COL7A1: variants seen among roughly 807,000 people sequenced by gnomAD.
COL7A1 encodes collagen alpha-1(VII) chain.
Under a neutral mutation model 456.2 loss-of-function variants are expected in COL7A1, and 296 were observed. The observed-to-expected ratio is 0.65, with a 90% CI of 0.59 to 0.71. COL7A1 has a LOEUF of 0.71. COL7A1 is among the 30% of genes least tolerant of loss of function. COL7A1 has a pLI of 0.00. For missense variants in COL7A1, 3,441 were observed against 4,017.2 expected, an observed-to-expected ratio of 0.86 and a Z score of 3.88; for synonymous variants, 1,464 against 1,525.9, an observed-to-expected ratio of 0.96 and a Z score of 0.95.
Position 48,566,260 on chromosome 3 carries a change from C to T in COL7A1, c.8407+7G>A, listed in dbSNP as rs534348346. 3 of 1,597,594 alleles carry T rather than the reference C, an allele frequency of 1.9e-6. No individual in the cohort carries two copies. The South Asian group carries it at 3.4e-5, about 18-fold the overall frequency. On this transcript the variant is annotated splice_region_variant and intron_variant, in intron 114 of 118. Transcript: ENST00000681320. This position sits in a 1 kb window ranked among gnomAD's most constrained non-coding sequence, Gnocchi z 5.9. ...GAGTGGGAGACTGCGGGCTGGGCAC[C>T]ACTCACCACAGTGCTGACTCATCTC... is the stretch of plus-strand genomic sequence containing the variant.
In COL7A1 at chr3:48,579,519, A is replaced by C; in HGVS notation, c.5236-4T>G. The C allele has an allele frequency of 6.2e-7, 1 of 1,613,946 alleles. No individual in the cohort carries two copies. Among genetic ancestry groups the C allele is most frequent in the Non-Finnish European group, 8.5e-7 (1 of 1,180,008 alleles). On this transcript the variant is annotated splice_polypyrimidine_tract_variant and splice_region_variant and intron_variant, in intron 59 of 118. Transcript: ENST00000681320. The surrounding 1 kb of genome is among the most constrained non-coding windows in gnomAD (Gnocchi z 4.4). ...GTCCCCGAAACCCTTCAATGCCCTG[A>C]GGATAGGGGAGGAAGAAATCAGAGC...
rs1560212042 is a variant in COL7A1 at position 48,573,936 on chromosome 3, G to GGCC, written c.6502-49_6502-47dup. 6.2e-7 allele frequency: 1 copy of GGCC among 1,609,634 alleles called. No homozygotes were observed. Among genetic ancestry groups the GGCC allele is most frequent in the Admixed American group, 1.7e-5 (1 of 59,596 alleles). ...TGAGCCTCAATCTGGGCCTCACTTG[G>GGCC]GCCTGTTCCCAACCTCTGGGGGCTT... is the stretch of plus-strand genomic sequence containing the variant. On this transcript the variant is annotated intron_variant, in intron 80 of 118. Coordinates refer to ENST00000681320, the MANE Select transcript of COL7A1 (RefSeq NM_000094.4). The surrounding 1 kb of genome is among the most constrained non-coding windows in gnomAD (Gnocchi z 5.5).
Position 48,565,441 on chromosome 3 carries a change from A to G in COL7A1, c.8496T>C (p.Pro2832=), listed in dbSNP as rs765795502. Residue 2832 remains proline, a synonymous_variant, in exon 116 of 119, where the codon CCT becomes CCC. Transcript: ENST00000681320. This position sits in a 1 kb window ranked among gnomAD's most constrained non-coding sequence, Gnocchi z 4.5. ...CCTCTGCATGAGAGACGCGGAGCAC[A>G]GGCACAGCATGGAGCTGGGAGCCGG... is the stretch of plus-strand genomic sequence containing the variant. ...DTAGSQLHAV[P]VLRVSHAEEE... 3 of 1,612,842 alleles carry G rather than the reference A, an allele frequency of 1.9e-6. No homozygotes were observed. In the South Asian group the frequency reaches 3.3e-5, roughly 18 times the overall value.
Position 48,591,540 on chromosome 3 carries a change from G to C in COL7A1, c.1560C>G (p.Pro520=). The change falls in exon 13 of 119, where the codon CCC becomes CCG. Residue 520 remains proline, a synonymous_variant. Transcript: ENST00000681320. The surrounding 1 kb of genome is among the most constrained non-coding windows in gnomAD (Gnocchi z 7.0). ...PVTDLQATEL[P]GQRVRVSWSP... is the part of the protein sequence containing the mutation. Reference sequence around the variant, plus strand: ...TCCAGGACACTCGCACCCGCTGCCCGGGCAGCTCGGTGGCTTGCAGGTCTG... The same window carrying C: ...TCCAGGACACTCGCACCCGCTGCCCCGGCAGCTCGGTGGCTTGCAGGTCTG... The C allele has an allele frequency of 6.2e-7, 1 of 1,613,900 alleles. No individual in the cohort carries two copies. Among genetic ancestry groups the C allele is most frequent in the Non-Finnish European group, 8.5e-7 (1 of 1,179,994 alleles).
rs1311176058 is a variant in COL7A1, at chr3:48,566,189, T to G, written c.8407+78A>C. ...CCCCCATCTTCTTGACTGCTTGCCC[T>G]GTAAGTTCTAGGGGCCTGCCTGCCC... On this transcript the variant is annotated intron_variant, in intron 114 of 118. Transcript: ENST00000681320. This position sits in a 1 kb window ranked among gnomAD's most constrained non-coding sequence, Gnocchi z 5.9. 1 of 1,480,396 alleles carries G rather than the reference T, an allele frequency of 6.8e-7. No individual in the cohort carries two copies. The highest frequency in any genetic ancestry group is 1.4e-5 in the African/African-American group (1 of 71,858). The allele number at this position is 1,480,396 out of a possible 1,614,324, so 91.7% of individuals were successfully genotyped here. A position where few individuals can be genotyped will look rare whatever the true frequency, so the allele number is the denominator to read the frequency against.
rs1332668696 is a variant in COL7A1 at position 48,590,399 on chromosome 3, C to A, written c.1907-43G>T. On this transcript the variant is annotated intron_variant, in intron 15 of 118. Transcript: ENST00000681320. This position sits in a 1 kb window ranked among gnomAD's most constrained non-coding sequence, Gnocchi z 4.6. ...TGCTGGCATGGCTCCTGCCTGTCCC[C>A]TCTGGCACCCATACCCTCATTGGTC... 6.2e-6 allele frequency: 10 copies of A among 1,613,994 alleles called. No individual in the cohort carries two copies. In the African/African-American group the frequency reaches 1.1e-4, roughly 17 times the overall value.
chr3:48,573,000 C>T lies in COL7A1; in HGVS notation c.6750+21G>A, dbSNP rs747604158. 4.3e-5 allele frequency: 70 copies of T among 1,613,940 alleles called. No homozygotes were observed. The highest frequency in any genetic ancestry group is 3.2e-4 in the Admixed American group (19 of 60,010). On this transcript the variant is annotated intron_variant, in intron 86 of 118. Coordinates refer to ENST00000681320, the MANE Select transcript of COL7A1 (RefSeq NM_000094.4). This position sits in a 1 kb window ranked among gnomAD's most constrained non-coding sequence, Gnocchi z 4.6. ...TCGACCCTTGACCCCTGGAGCCCAA[C>T]CCTTGACCCCCAGAACTCACCACTT...
chr3:48,575,190 A>C lies in COL7A1; in HGVS notation c.6216+17T>G. The C allele has an allele frequency of 1.2e-6, 2 of 1,613,920 alleles. No individual in the cohort carries two copies. Among genetic ancestry groups the C allele is most frequent in the Non-Finnish European group, 1.7e-6 (2 of 1,179,966 alleles). ...AGCCTCCAGACAGCCTGCCCCACGA[A>C]GCCCATCGCAGCCCACCTGTTCTCC... is the stretch of plus-strand genomic sequence containing the variant. On this transcript the variant is annotated intron_variant, in intron 75 of 118. Transcript: ENST00000681320. This position sits in a 1 kb window ranked among gnomAD's most constrained non-coding sequence, Gnocchi z 6.3.
chr3:48,589,439 C>T lies in COL7A1; in HGVS notation c.2202G>A (p.Glu734=), dbSNP rs549271654. 93 of 1,613,832 alleles carry T rather than the reference C, an allele frequency of 5.8e-5. No individual in the cohort carries two copies. The South Asian group carries it at 8.9e-4, about 15-fold the overall frequency. Residue 734 remains glutamate, a synonymous_variant, in exon 18 of 119, where the codon GAG becomes GAA. Transcript: ENST00000681320. The part of the protein sequence containing the change: ...GPEKSQLVSG[E]ATVAELDGLE... ...GTCCATCCAGCTCAGCCACCGTGGC[C>T]TCCCCAGAAACCAACTGGGATTTCT...
In COL7A1 at chr3:48,586,130, C is replaced by T; in HGVS notation, c.3667G>A (p.Asp1223Asn). ...FFAVDDGPSL[D>N]QAVSGLATAL... ...GTGGCCAGACCACTGACTGCCTGGT[C>T]CAGGCTTGGCCCATCATCCACGGCG... Residue 1223 changes from aspartate to asparagine, a missense_variant, in exon 28 of 119, where the codon GAC (aspartate) becomes AAC (asparagine). Coordinates refer to ENST00000681320, the MANE Select transcript of COL7A1 (RefSeq NM_000094.4). The surrounding 1 kb of genome is among the most constrained non-coding windows in gnomAD (Gnocchi z 5.1). The T allele has an allele frequency of 6.2e-7, 1 of 1,613,526 alleles. No homozygotes were observed. Among genetic ancestry groups the T allele is most frequent in the Middle Eastern group, 1.6e-4 (1 of 6,062 alleles).
rs1298144874 is a variant in COL7A1 at position 48,578,827 on chromosome 3, C to G, written c.5424+92G>C. The G allele has an allele frequency of 1.0e-5, 14 of 1,374,686 alleles. No homozygotes were observed. The South Asian group carries it at 1.2e-4, about 12-fold the overall frequency. 85.2% of individuals were successfully genotyped at this position (1,374,686 alleles called of 1,614,324 possible). A position where few individuals can be genotyped will look rare whatever the true frequency, so the allele number is the denominator to read the frequency against. On this transcript the variant is annotated intron_variant, in intron 63 of 118. Transcript: ENST00000681320. The surrounding 1 kb of genome is among the most constrained non-coding windows in gnomAD (Gnocchi z 4.7). ...CAAAGGCAAGGCTGAACCGACCCCC[C>G]ACCAACTCTCTCGGATGCTGTGACT... is the stretch of plus-strand genomic sequence containing the variant.
chr3:48,594,307 C>G lies in COL7A1; in HGVS notation c.266+61G>C, dbSNP rs1022620004. 5.0e-6 allele frequency: 8 copies of G among 1,589,878 alleles called. No homozygotes were observed. Among genetic ancestry groups the G allele is most frequent in the Non-Finnish European group, 6.8e-6 (8 of 1,169,586 alleles). On this transcript the variant is annotated intron_variant, in intron 3 of 118. Transcript: ENST00000681320. This position sits in a 1 kb window ranked among gnomAD's most constrained non-coding sequence, Gnocchi z 5.5. Reference sequence around the variant, plus strand: ...CTGGGGTTTCCAGGGTCTCCTCCCTCTCTGGGGAAGGAGTCTTGGTGGGGA... The same window carrying G: ...CTGGGGTTTCCAGGGTCTCCTCCCTGTCTGGGGAAGGAGTCTTGGTGGGGA...
In COL7A1 at chr3:48,567,324, G is replaced by T; in HGVS notation, c.8047-134C>A. On this transcript the variant is annotated intron_variant, in intron 109 of 118. Coordinates refer to ENST00000681320, the MANE Select transcript of COL7A1 (RefSeq NM_000094.4). The surrounding 1 kb of genome is among the most constrained non-coding windows in gnomAD (Gnocchi z 4.3). ...CCAAGCACCTGTGAGCCAACCAGAT[G>T]TGATCCCCATGACTCCAACTCCACT... 1 of 1,159,600 alleles carries T rather than the reference G, an allele frequency of 8.6e-7. No homozygotes were observed. The highest frequency in any genetic ancestry group is 1.3e-6 in the Non-Finnish European group (1 of 790,106). 71.8% of individuals were successfully genotyped at this position (1,159,600 alleles called of 1,614,324 possible).
In COL7A1 at chr3:48,585,999, G is replaced by C. The variant is rs1433614871; in HGVS notation, c.3724-24C>G. ...GGCTGCGGACATAGGGTCTCTTTGA[G>C]GTTGAACATTTCTACCAAGAACCCC... On this transcript the variant is annotated intron_variant, in intron 28 of 118. Coordinates refer to ENST00000681320, the MANE Select transcript of COL7A1 (RefSeq NM_000094.4). This position sits in a 1 kb window ranked among gnomAD's most constrained non-coding sequence, Gnocchi z 4.5. 1.2e-6 allele frequency: 2 copies of C among 1,613,656 alleles called. No individual in the cohort carries two copies. The highest frequency in any genetic ancestry group is 1.3e-5 in the African/African-American group (1 of 74,924).
Position 48,569,692 on chromosome 3 carries a change from CCCCTG to C in COL7A1, c.7557+28_7557+32del. On this transcript the variant is annotated intron_variant, in intron 101 of 118. Transcript: ENST00000681320. This position sits in a 1 kb window ranked among gnomAD's most constrained non-coding sequence, Gnocchi z 4.9. ...ATCAGAGGAGTCGGGAGCACCCTGGCCCCTGCCCTGCCCTCCCCATGCCCACACTC... is the reference window on the plus strand; with the variant it reads ...ATCAGAGGAGTCGGGAGCACCCTGGCCCCTGCCCTCCCCATGCCCACACTC... 1 of 1,614,104 alleles carries C rather than the reference CCCCTG, an allele frequency of 6.2e-7. No individual in the cohort carries two copies. Among genetic ancestry groups the C allele is most frequent in the Non-Finnish European group, 8.5e-7 (1 of 1,179,992 alleles).
At position 48,585,241 on chromosome 3, in the gene COL7A1, G is replaced by T; in HGVS notation, c.3895-125C>A. 2 of 932,826 alleles carry T rather than the reference G, an allele frequency of 2.1e-6. No homozygotes were observed. Among genetic ancestry groups the T allele is most frequent in the Non-Finnish European group, 3.3e-6 (2 of 608,592 alleles). The allele number at this position is 932,826 out of a possible 1,614,324, so 57.8% of individuals were successfully genotyped here. A position where few individuals can be genotyped will look rare whatever the true frequency, so the allele number is the denominator to read the frequency against. ...CTGACCCCCAAGTGTTATTGGGGGT[G>T]GAACAGTGAGGCAGAGAAATGGCCC... On this transcript the variant is annotated intron_variant, in intron 32 of 118. Coordinates refer to ENST00000681320, the MANE Select transcript of COL7A1 (RefSeq NM_000094.4). The surrounding 1 kb of genome is among the most constrained non-coding windows in gnomAD (Gnocchi z 4.5).
rs753368984 is a variant in COL7A1 at position 48,585,034 on chromosome 3, A to T, written c.3975+2T>A. On this transcript the variant is annotated splice_donor_variant, in intron 33 of 118. Transcript: ENST00000681320. LOFTEE classifies it high-confidence loss of function. This position sits in a 1 kb window ranked among gnomAD's most constrained non-coding sequence, Gnocchi z 4.5. ...CTGACCTGCAGGACAAGGCTTGCTC[A>T]CCTTTAGGCCAGGGGCTCCAGGGGT... The T allele has an allele frequency of 2.5e-6, 4 of 1,613,026 alleles. 1 individual carries two copies. The highest frequency in any genetic ancestry group is 1.7e-5 in the Admixed American group (1 of 60,010).
In COL7A1 at chr3:48,571,995, A is replaced by G. The variant is rs1398074884; in HGVS notation, c.7068+6T>C. ...AGGCTCGCCCTTGCCTAGGCCCCGG[A>G]CTCACATCTTCCCCAGGGTCTCCGG... On this transcript the variant is annotated splice_donor_region_variant and intron_variant, in intron 92 of 118. Transcript: ENST00000681320. This position sits in a 1 kb window ranked among gnomAD's most constrained non-coding sequence, Gnocchi z 4.6. 6.2e-7 allele frequency: 1 copy of G among 1,612,008 alleles called. No homozygotes were observed. The highest frequency in any genetic ancestry group is 1.1e-5 in the South Asian group (1 of 90,712).
chr3:48,586,790 T>C lies in COL7A1; in HGVS notation c.3277-101A>G. On this transcript the variant is annotated intron_variant, in intron 25 of 118. Coordinates refer to ENST00000681320, the MANE Select transcript of COL7A1 (RefSeq NM_000094.4). The surrounding 1 kb of genome is among the most constrained non-coding windows in gnomAD (Gnocchi z 5.1). ...CATCAGGGTGTGTGTGACCAAACCC[T>C]ATCTATTAGGGAGTCAGCAGTGATG... The C allele has an allele frequency of 1.1e-5, 17 of 1,521,532 alleles. No individual in the cohort carries two copies. The highest frequency in any genetic ancestry group is 1.5e-5 in the Non-Finnish European group (17 of 1,124,158). 94.3% of individuals were successfully genotyped at this position (1,521,532 alleles called of 1,614,324 possible). A position where few individuals can be genotyped will look rare whatever the true frequency, so the allele number is the denominator to read the frequency against.
Sources: gnomAD v4.1 joint callset for allele counts on GRCh38, gnomAD v4.1.1 for gene constraint, Gnocchi (gnomAD v3.1) non-coding constraint, MANE v1.5 for transcripts, NCBI Gene and HGNC (gene_info 2026-07-23, HGNC 2026-07-21) for gene names.